The following WSCD2 variants were observed in gnomAD, a reference collection of about 807,000 sequenced individuals.
WSCD2 encodes the protein sialate:O-sulfotransferase 2.
In WSCD2, 28 loss-of-function variants were observed where a neutral mutation model predicts 55.7. That is an observed-to-expected ratio of 0.50 (90% CI 0.37 to 0.69). WSCD2 has a LOEUF of 0.69. Ranked by LOEUF, WSCD2 falls within the 30% of genes least tolerant of loss-of-function variation. WSCD2 has a pLI of 0.00. For synonymous variants in WSCD2, 301 were observed against 301.9 expected (o/e 1.00, Z 0.03); for missense variants, 616 against 762.1 (o/e 0.81, Z 2.26).
At chr12:108,232,176 C>T (rs1888827917) in intron 6 of WSCD2, among the ~76,000 whole-genome samples, 1 of 152,132 alleles carries the variant, frequency 6.6e-6, no homozygotes, top group South Asian at 2.1e-4. Context: ...AGATAAGAAC[C>T]CTGGACTGCA....
chr12:108,160,009 G>A (rs1234269519), intron 1 of WSCD2, among the ~76,000 whole-genome samples: 1 of 152,174 alleles, frequency 6.6e-6, no homozygotes, highest in Non-Finnish European at 1.5e-5. Context: ...ATTAGACACG[G>A]TATGATAGCA....
chr12:108,155,370 T>A (rs1878411891), intron 1 of WSCD2, among the ~76,000 whole-genome samples: 1 of 152,158 alleles, frequency 6.6e-6, no homozygotes, highest in Admixed American at 6.5e-5. Context: ...CAATCAGGGC[T>A]CTCAGCAGGG....
intron 6 of WSCD2, among the ~76,000 whole-genome samples, chr12:108,230,102 A>G (rs769517405): frequency 6.6e-6 from 1 of 152,186 alleles, no homozygotes; most frequent in Non-Finnish European, 1.5e-5. Flanking sequence ...ATTCAATATT[A>G]GCTTTCTGAA....
intron 1 of WSCD2, among the ~76,000 whole-genome samples, chr12:108,188,257 G>A (rs992857861): frequency 1.3e-5 from 2 of 152,106 alleles, no homozygotes; most frequent in African/African-American, 4.8e-5. Context: ...TCTTTCTGGA[G>A]GTGGGGTGAG....
intron 8 of WSCD2, among the ~76,000 whole-genome samples, chr12:108,243,870 C>G (rs1258329145): frequency 6.6e-6 from 1 of 152,166 alleles, no homozygotes; most frequent in Non-Finnish European, 1.5e-5. Context: ...GCCCTTGTCA[C>G]CCTCCCAATT....
intron 5 of WSCD2, among the ~76,000 whole-genome samples, chr12:108,226,591 C>G (rs761635754): frequency 6.6e-6 from 1 of 152,176 alleles, no homozygotes; most frequent in Non-Finnish European, 1.5e-5. Context: ...ATGGAGCCAG[C>G]CCCAGGCTCA....
chr12:108,239,344 C>T (rs1309959983), intron 7 of WSCD2, among the ~76,000 whole-genome samples: 1 of 152,158 alleles, frequency 6.6e-6, no homozygotes, highest in Non-Finnish European at 1.5e-5. Flanking sequence ...CCCCAGGAAA[C>T]CTTTCTGGAT....
At chr12:108,131,298 T>G (rs562664949) in intron 1 of WSCD2, among the ~76,000 whole-genome samples, 32 of 152,310 alleles carry the variant, frequency 2.1e-4, no homozygotes, top group Admixed American at 9.1e-4. Flanking sequence ...TGAAGAGATT[T>G]CATGTATCCT....
chr12:108,200,504 C>T (rs1188592331), intron 2 of WSCD2, among the ~76,000 whole-genome samples: 1 of 152,114 alleles, frequency 6.6e-6, no homozygotes, highest in Non-Finnish European at 1.5e-5. Context: ...TTCATTCATT[C>T]ATTCTGTATT....
At position 108,210,074 on chromosome 12, in the gene WSCD2, G is replaced by A; in HGVS notation, c.498-47G>A. 6.2e-7 allele frequency: 1 copy of A among 1,612,656 alleles called. No homozygotes were observed. Among genetic ancestry groups the A allele is most frequent in the Non-Finnish European group, 8.5e-7 (1 of 1,179,138 alleles). Reference sequence around the variant, plus strand: ...CTCCATGTTGTGTCTCCCTGCCTCGGGGTCTCCATGGTGGCAGCTACCCTG... The same window carrying A: ...CTCCATGTTGTGTCTCCCTGCCTCGAGGTCTCCATGGTGGCAGCTACCCTG... On this transcript the variant is annotated intron_variant, in intron 3 of 8. Transcript: ENST00000547525. This position sits in a 1 kb window ranked among gnomAD's most constrained non-coding sequence, Gnocchi z 4.3.
chr12:108,144,577 C>T (rs1041730508), intron 1 of WSCD2, among the ~76,000 whole-genome samples: 2 of 152,168 alleles, frequency 1.3e-5, no homozygotes, highest in African/African-American at 2.4e-5. Flanking sequence ...TGGAGAGCAA[C>T]TCACTTCACC....
chr12:108,147,580 C>T (rs570822817), intron 1 of WSCD2, among the ~76,000 whole-genome samples: 2 of 152,190 alleles, frequency 1.3e-5, no homozygotes, highest in South Asian at 4.2e-4. Flanking sequence ...ACACTCAGGT[C>T]AGAAATGTCA....
chr12:108,243,807 T>C (rs967429766), intron 8 of WSCD2, among the ~76,000 whole-genome samples: 11 of 152,160 alleles, frequency 7.2e-5, no homozygotes, highest in African/African-American at 2.7e-4. Flanking sequence ...AATGTGAAGA[T>C]CACCCTGTAA....
At chr12:108,203,212 G>T (rs1884930451) in intron 2 of WSCD2, among the ~76,000 whole-genome samples, 1 of 152,230 alleles carries the variant, frequency 6.6e-6, no homozygotes, top group African/African-American at 2.4e-5. Flanking sequence ...AGCTAAAGAA[G>T]AAAATGCATT....
chr12:108,212,245 G>A (rs182431510), intron 4 of WSCD2, among the ~76,000 whole-genome samples: 343 of 152,160 alleles, frequency 2.3e-3, no homozygotes, highest in African/African-American at 7.6e-3. Flanking sequence ...ACAACTGATC[G>A]CCTTTATGTC....
chr12:108,224,908 A>G, intron 5 of WSCD2, 48 bp downstream of exon 5: 1 of 1,595,806 alleles, frequency 6.3e-7, no homozygotes, highest in Non-Finnish European at 8.5e-7. Flanking sequence ...GGAACCATGC[A>G]GCAGAGCTGC....
intron 6 of WSCD2, among the ~76,000 whole-genome samples, chr12:108,227,494 C>T (rs775649695): frequency 5.9e-5 from 9 of 152,224 alleles, no homozygotes; most frequent in Non-Finnish European, 1.3e-4. Flanking sequence ...AAGTCATTTC[C>T]CCTTTCTGGG....
chr12:108,230,704 C>A (rs1313830241), intron 6 of WSCD2, among the ~76,000 whole-genome samples: 1 of 152,162 alleles, frequency 6.6e-6, no homozygotes, highest in Non-Finnish European at 1.5e-5. Context: ...CAGGGAAGAC[C>A]CTGGTAAAAT....
At chr12:108,200,196 A>G (rs1428544637) in intron 2 of WSCD2, among the ~76,000 whole-genome samples, 2 of 152,248 alleles carry the variant, frequency 1.3e-5, no homozygotes, top group African/African-American at 4.8e-5. Flanking sequence ...CATCTCCTCC[A>G]GCTGGAGATG....
Sources: gnomAD v4.1 joint callset for allele counts (sites outside exome capture counted in the v4.1 genomes callset) on GRCh38, gnomAD v4.1.1 for gene constraint, Gnocchi (gnomAD v3.1) non-coding constraint, MANE v1.5 for transcripts, NCBI Gene and HGNC (gene_info 2026-07-23, HGNC 2026-07-21) for gene names.